Variants in OTOGL observed in about 807,000 individuals in gnomAD.
OTOGL encodes otogelin-like protein.
Under a neutral mutation model 318.5 loss-of-function variants are expected in OTOGL, and 285 were observed. The observed-to-expected ratio is 0.89, with a 90% confidence interval of 0.81 to 0.99. OTOGL has a LOEUF of 0.99. Ranked by LOEUF, OTOGL falls within the 50% of genes least tolerant of loss-of-function variation. The pLI, the probability that OTOGL is intolerant of heterozygous loss-of-function variation, is 0.00. For synonymous variants in OTOGL, 987 were observed against 936.5 expected (o/e 1.05, Z -0.99); for missense variants, 2,899 against 2,845.6 (o/e 1.02, Z -0.43).
rs1881558557 is a variant in OTOGL, at chr12:80,251,682, T to C, written c.1053-11T>C. The C allele has an allele frequency of 1.3e-6, 2 of 1,569,198 alleles. No homozygotes were observed. The highest frequency in any genetic ancestry group is 1.7e-6 in the Non-Finnish European group (2 of 1,153,726). On this transcript the variant is annotated splice_polypyrimidine_tract_variant and intron_variant, in intron 11 of 58. Coordinates refer to ENST00000547103, the MANE Select transcript of OTOGL (RefSeq NM_001378609.3). ...CCTATGTGATTCTGGCTCTGTCTTTTCACTTTCTAGAACTGATGATGATGA... is the reference window on the plus strand; with the variant it reads ...CCTATGTGATTCTGGCTCTGTCTTTCCACTTTCTAGAACTGATGATGATGA...
chr12:80,159,236 A>T (rs1873333885), intron 1 of OTOGL, among the ~76,000 whole-genome samples: 1 of 152,034 alleles, frequency 6.6e-6, no homozygotes, highest in Admixed American at 6.6e-5. Flanking sequence ...CAGTTAGCCT[A>T]GTATTTTGTT....
chr12:80,374,114 T>C (rs986621353), intron 57 of OTOGL, among the ~76,000 whole-genome samples: 2 of 152,082 alleles, frequency 1.3e-5, no homozygotes, highest in African/African-American at 2.4e-5. Context: ...TTTATGGAGA[T>C]TAGGACTCCA....
chr12:80,128,293 G>C (rs937607647), intron 1 of OTOGL, among the ~76,000 whole-genome samples: 1 of 152,214 alleles, frequency 6.6e-6, no homozygotes, highest in African/African-American at 2.4e-5. Flanking sequence ...GCTGGAGTTT[G>C]CTGGAGGTCC....
intron 4 of OTOGL, among the ~76,000 whole-genome samples, chr12:80,215,764 C>T (rs1877658674): frequency 6.6e-6 from 1 of 152,068 alleles, no homozygotes; most frequent in African/African-American, 2.4e-5. Flanking sequence ...CCAGTAATAT[C>T]CAGGGCTGTG....
intron 43 of OTOGL, among the ~76,000 whole-genome samples, chr12:80,339,783 T>C (rs1431718516): frequency 6.6e-6 from 1 of 152,138 alleles, no homozygotes; most frequent in Admixed American, 6.6e-5. Flanking sequence ...AGTTTTATTA[T>C]GAAATGTAAA....
chr12:80,298,183 A>G (rs1314709102), intron 27 of OTOGL, among the ~76,000 whole-genome samples: 1 of 152,236 alleles, frequency 6.6e-6, no homozygotes, highest in Non-Finnish European at 1.5e-5. Flanking sequence ...GGATACATTC[A>G]GGTAAATAAG....
At chr12:80,140,006 A>G (rs1871826913) in intron 1 of OTOGL, among the ~76,000 whole-genome samples, 1 of 152,084 alleles carries the variant, frequency 6.6e-6, no homozygotes, top group South Asian at 2.1e-4. Context: ...TCATTCTCTT[A>G]CCATGCTATT....
chr12:80,303,569 C>A (rs981635039), intron 28 of OTOGL, among the ~76,000 whole-genome samples: 3 of 152,162 alleles, frequency 2.0e-5, no homozygotes, highest in Admixed American at 6.5e-5. Flanking sequence ...CTACCTGACA[C>A]TGGGTAATTT....
At position 80,323,649 on chromosome 12, in the gene OTOGL, G is replaced by C. The variant is rs547291141; in HGVS notation, c.4082-74G>C. The C allele has an allele frequency of 2.8e-5, 33 of 1,175,374 alleles. No homozygotes were observed. The East Asian group carries it at 8.0e-4, about 29-fold the overall frequency. The allele number at this position is 1,175,374 out of a possible 1,614,324, so 72.8% of individuals were successfully genotyped here. On this transcript the variant is annotated intron_variant, in intron 34 of 58. Transcript: ENST00000547103. ...GAGTGACAGAGCGAGACTGTCTCAA[G>C]AAAGAAAAGGGAATTGTTAGTTTTC...
intron 1 of OTOGL, among the ~76,000 whole-genome samples, chr12:80,183,600 A>T (rs1920408): frequency 0.052 from 7,924 of 152,060 alleles, 666 homozygotes; most frequent in African/African-American, 0.18. Context: ...AAGAAAGAGA[A>T]TGGGCCAAAG....
At chr12:80,189,853 C>T (rs1367587699) in intron 1 of OTOGL, among the ~76,000 whole-genome samples, 2 of 152,140 alleles carry the variant, frequency 1.3e-5, no homozygotes, top group Non-Finnish European at 2.9e-5. Flanking sequence ...AATCAGTTAG[C>T]TATACGGGAG....
chr12:80,305,453 A>G, intron 28 of OTOGL, 123 bp from the exon 29 acceptor site: 1 of 901,822 alleles, frequency 1.1e-6, no homozygotes, highest in Non-Finnish European at 1.5e-6. Context: ...TTAATTTTTA[A>G]AAATGATTGC....
intron 52 of OTOGL, chr12:80,360,977 T>G (rs1890207737): frequency 6.6e-6 from 1 of 152,164 alleles, no homozygotes; most frequent in Admixed American, 6.5e-5. Context: ...GACATCATTT[T>G]TTTGTGATGA....
At chr12:80,310,801 C>T in intron 30 of OTOGL, 74 bp downstream of exon 30, 6 of 1,176,188 alleles carry the variant, frequency 5.1e-6, no homozygotes, top group Non-Finnish European at 7.2e-6. Context: ...GTGAACACGA[C>T]ACGTAACTGG....
intron 11 of OTOGL, among the ~76,000 whole-genome samples, chr12:80,243,055 A>G (rs1880521011): frequency 6.6e-6 from 1 of 152,068 alleles, no homozygotes; most frequent in Admixed American, 6.6e-5. Context: ...ATTGTTTATT[A>G]AAAATGAAAG....
intron 1 of OTOGL, among the ~76,000 whole-genome samples, chr12:80,192,145 T>A (rs1332598622): frequency 2.0e-5 from 3 of 152,238 alleles, no homozygotes; most frequent in Non-Finnish European, 4.4e-5. Flanking sequence ...TTGTCACTCT[T>A]GAATACCTAC....
At chr12:80,112,285 A>G (rs1869887582) in intron 1 of OTOGL, among the ~76,000 whole-genome samples, 1 of 152,298 alleles carries the variant, frequency 6.6e-6, no homozygotes, top group East Asian at 1.9e-4. Flanking sequence ...ACTATGTGAA[A>G]TAGAAGTTGT....
At chr12:80,139,530 T>C (rs1871792600) in intron 1 of OTOGL, among the ~76,000 whole-genome samples, 1 of 152,212 alleles carries the variant, frequency 6.6e-6, no homozygotes, top group African/African-American at 2.4e-5. Flanking sequence ...CCCTAGCTAA[T>C]GTGCACTCTC....
chr12:80,253,242 A>T (rs1881730787), intron 13 of OTOGL, among the ~76,000 whole-genome samples: 1 of 152,030 alleles, frequency 6.6e-6, no homozygotes, highest in South Asian at 2.1e-4. Flanking sequence ...TGAGTTTTTG[A>T]TGGCAAGTCA....
Sources: gnomAD v4.1 joint callset for allele counts (sites outside exome capture counted in the v4.1 genomes callset) on GRCh38, gnomAD v4.1.1 for gene constraint, MANE v1.5 for transcripts, NCBI Gene and HGNC (gene_info 2026-07-23, HGNC 2026-07-21) for gene names.